KCNJ3: variants seen among roughly 807,000 people sequenced by gnomAD.
KCNJ3 encodes G protein-activated inward rectifier potassium channel 1.
In KCNJ3, 4 loss-of-function variants were observed where a neutral mutation model predicts 39.2. That is an observed-to-expected ratio of 0.10 (90% CI 0.05 to 0.23). The LOEUF is 0.23. KCNJ3 is among the 10% of genes least tolerant of loss of function. The probability of loss-of-function intolerance (pLI) is 1.00; values close to 1 mark genes in which losing one functional copy is unlikely to be tolerated. For synonymous variants in KCNJ3, 230 were observed against 237.4 expected (o/e 0.97, Z 0.29); for missense variants, 276 against 634.9 (o/e 0.43, Z 6.08).
chr2:154,850,008 C>CTTTTT (rs373062062), intron 2 of KCNJ3, among the ~76,000 whole-genome samples: 723 of 48,814 alleles, frequency 0.015, 140 homozygotes, highest in East Asian at 0.041. Flanking sequence ...CAGAATAAAT[C>CTTTTT]TTTTTTTTTT....
chr2:154,819,923 T>A (rs200422938), intron 2 of KCNJ3, among the ~76,000 whole-genome samples: 3 of 143,370 alleles, frequency 2.1e-5, no homozygotes, highest in Non-Finnish European at 4.7e-5. Flanking sequence ...AAAAAAAAAA[T>A]CCCTTTATGA....
chr2:154,700,567 A>G (rs954896257), intron 1 of KCNJ3, among the ~76,000 whole-genome samples: 2 of 152,268 alleles, frequency 1.3e-5, no homozygotes. Context: ...GGTTGCGTAG[A>G]GAACTGAAGC....
chr2:154,839,025 C>G (rs1687528377), intron 2 of KCNJ3, among the ~76,000 whole-genome samples: 1 of 152,070 alleles, frequency 6.6e-6, no homozygotes, highest in Admixed American at 6.6e-5. Context: ...TATACATGTG[C>G]CATGTTTGTT....
chr2:154,770,916 A>C (rs1372530022), intron 2 of KCNJ3, among the ~76,000 whole-genome samples: 4 of 113,600 alleles, frequency 3.5e-5, no homozygotes, highest in Non-Finnish European at 7.1e-5. Context: ...TTTGAGATGG[A>C]GTCTTTCTCT....
Position 154,800,581 on chromosome 2 carries a change from T to A in KCNJ3, c.920-54146T>A, listed in dbSNP as rs182251574. 4.6e-4 allele frequency among the ~76,000 whole-genome samples: 70 copies of A among 152,316 alleles called. No individual in the cohort carries two copies. The East Asian group carries it at 0.012, about 25-fold the overall frequency. On this transcript the variant is annotated intron_variant, in intron 2 of 2. Coordinates refer to ENST00000295101, the MANE Select transcript of KCNJ3 (RefSeq NM_002239.4). ...AAATTCTACTTTTTATTGCCTTCAATATGACTTTTAATTGAGCCTTAGTAT... is the reference window on the plus strand; with the variant it reads ...AAATTCTACTTTTTATTGCCTTCAAAATGACTTTTAATTGAGCCTTAGTAT...
intron 2 of KCNJ3, among the ~76,000 whole-genome samples, chr2:154,711,895 G>T (rs1685108063): frequency 6.6e-6 from 1 of 152,062 alleles, no homozygotes; most frequent in Non-Finnish European, 1.5e-5. Context: ...TGCCTAAAAA[G>T]AAATAATAAG....
At chr2:154,834,203 G>A (rs1051132233) in intron 2 of KCNJ3, among the ~76,000 whole-genome samples, 2 of 152,060 alleles carry the variant, frequency 1.3e-5, no homozygotes, top group Non-Finnish European at 2.9e-5. Flanking sequence ...ACCAGCATTC[G>A]GTATTGTCAA....
At chr2:154,822,707 T>C (rs1687204709) in intron 2 of KCNJ3, among the ~76,000 whole-genome samples, 1 of 152,036 alleles carries the variant, frequency 6.6e-6, no homozygotes, top group South Asian at 2.1e-4. Context: ...GCTAATTAGA[T>C]ATTTTTAAAT....
At chr2:154,714,759 G>A (rs79067092) in intron 2 of KCNJ3, among the ~76,000 whole-genome samples, 5,722 of 152,220 alleles carry the variant, frequency 0.038, 183 homozygotes, top group Non-Finnish European at 0.051. Context: ...TCCAGCAAAT[G>A]CTTATTGAGC....
In KCNJ3 at chr2:154,836,627, TTG is replaced by T. The variant is rs369232793; in HGVS notation, c.920-18097_920-18096del. 2.8e-3 allele frequency among the ~76,000 whole-genome samples: 428 copies of T among 152,270 alleles called. 4 individuals are homozygous for T. Among genetic ancestry groups the T allele is most frequent in the African/African-American group, 0.01 (421 of 41,552 alleles). On this transcript the variant is annotated intron_variant, in intron 2 of 2. Coordinates refer to ENST00000295101, the MANE Select transcript of KCNJ3 (RefSeq NM_002239.4). Reference sequence around the variant, plus strand: ...ATACATGTACTAAAATAATATATATTTGTGATTATTATTGTGATGCATTTTCG... The same window carrying T: ...ATACATGTACTAAAATAATATATATTTGATTATTATTGTGATGCATTTTCG...
In KCNJ3 at chr2:154,699,605, G is replaced by C. The variant is rs187704412; in HGVS notation, c.702+128G>C. ...TATAGCCACAGGTAAACTTCCTTTT[G>C]GGGGGTTGGGGGTTGGAGGACTGGG... On this transcript the variant is annotated intron_variant, in intron 1 of 2. Transcript: ENST00000295101. The surrounding 1 kb of genome is among the most constrained non-coding windows in gnomAD (Gnocchi z 6.4). The C allele has an allele frequency of 1.7e-5, 23 of 1,389,468 alleles. No individual in the cohort carries two copies. The highest frequency in any genetic ancestry group is 2.5e-5 in the East Asian group (1 of 39,838). The allele number at this position is 1,389,468 out of a possible 1,614,324, so 86.1% of individuals were successfully genotyped here. A position where few individuals can be genotyped will look rare whatever the true frequency, so the allele number is the denominator to read the frequency against.
chr2:154,760,247 C>T (rs1686014080), intron 2 of KCNJ3, among the ~76,000 whole-genome samples: 1 of 152,022 alleles, frequency 6.6e-6, no homozygotes. Flanking sequence ...AAAGTTTAAC[C>T]TTTTTTCATA....
At position 154,719,031 on chromosome 2, in the gene KCNJ3, C is replaced by A. The variant is rs115659229; in HGVS notation, c.919+9212C>A. 6.4e-3 allele frequency among the ~76,000 whole-genome samples: 967 copies of A among 152,230 alleles called. 11 individuals carry two copies. The highest frequency in any genetic ancestry group is 0.021 in the African/African-American group (871 of 41,542). ...GTTACAAGGAACTGCACAATTTACA[C>A]TAATTCATTTCCAGAGTTTTTTCAA... On this transcript the variant is annotated intron_variant, in intron 2 of 2. Coordinates refer to ENST00000295101, the MANE Select transcript of KCNJ3 (RefSeq NM_002239.4).
At chr2:154,803,930 G>A (rs551111706) in intron 2 of KCNJ3, among the ~76,000 whole-genome samples, 2 of 152,072 alleles carry the variant, frequency 1.3e-5, no homozygotes, top group East Asian at 3.9e-4. Flanking sequence ...AAATTTAAAA[G>A]AGCAAAGGAA....
intron 2 of KCNJ3, among the ~76,000 whole-genome samples, chr2:154,778,968 G>GA (rs1383555632): frequency 2.0e-5 from 3 of 152,064 alleles, no homozygotes; most frequent in African/African-American, 7.2e-5. Flanking sequence ...GTGAAATAGA[G>GA]ATAATAATAT....
At chr2:154,848,554 A>G (rs1687701584) in intron 2 of KCNJ3, among the ~76,000 whole-genome samples, 1 of 152,178 alleles carries the variant, frequency 6.6e-6, no homozygotes, top group African/African-American at 2.4e-5. Flanking sequence ...TCACTCATCA[A>G]TTGGTTTCCC....
At chr2:154,775,380 A>T (rs1686315657) in intron 2 of KCNJ3, among the ~76,000 whole-genome samples, 2 of 152,334 alleles carry the variant, frequency 1.3e-5, no homozygotes, top group South Asian at 4.1e-4. Flanking sequence ...TTCTGGAATC[A>T]GTATTTTGCA....
intron 2 of KCNJ3, among the ~76,000 whole-genome samples, chr2:154,751,148 AT>A (rs1424596616): frequency 2.0e-5 from 3 of 151,986 alleles, no homozygotes; most frequent in Admixed American, 6.6e-5. Flanking sequence ...ACCTATGGAA[AT>A]AAAAAAATTA....
At chr2:154,849,510 G>A (rs2166330) in intron 2 of KCNJ3, among the ~76,000 whole-genome samples, 26 of 151,388 alleles carry the variant, frequency 1.7e-4, no homozygotes, top group Non-Finnish European at 1.3e-4. Context: ...CCAATCTCCC[G>A]CAAACACATC....
Sources: gnomAD v4.1 joint callset for allele counts (sites outside exome capture counted in the v4.1 genomes callset) on GRCh38, gnomAD v4.1.1 for gene constraint, Gnocchi (gnomAD v3.1) non-coding constraint, MANE v1.5 for transcripts, NCBI Gene and HGNC (gene_info 2026-07-23, HGNC 2026-07-21) for gene names.